WDR44: variants seen among roughly 807,000 people sequenced by gnomAD.
WDR44 encodes the protein WD repeat-containing protein 44.
WDR44 carries 9 observed loss-of-function variants against 65.7 expected under a neutral mutation model. The observed-to-expected ratio is 0.14, with a 90% CI of 0.08 to 0.24. The LOEUF (loss-of-function observed/expected upper bound fraction) is 0.24. Ranked by LOEUF, WDR44 falls within the 10% of genes least tolerant of loss-of-function variation. The pLI is 1.00. For missense variants in WDR44, 425 were observed against 670.9 expected (o/e 0.63, Z 4.05); for synonymous variants, 220 against 235.2 (o/e 0.94, Z 0.59).
intron 13 of WDR44, among the ~76,000 whole-genome samples, chrX:118,433,814 A>G (rs1414793156): frequency 8.9e-6 from 1 of 111,993 alleles, no homozygotes; most frequent in Non-Finnish European, 1.9e-5. Context: ...CATCATCATC[A>G]TCATCACTAT....
In WDR44 at chrX:118,396,967, C is replaced by T. The variant is rs1156721321; in HGVS notation, c.1054-3C>T. ...TGTGATTGTTTTTTTTTTTTAACCTCAGGAAATTTTAGCCAGTGTAATGAT... is the reference window on the plus strand; with the variant it reads ...TGTGATTGTTTTTTTTTTTTAACCTTAGGAAATTTTAGCCAGTGTAATGAT... On this transcript the variant is annotated splice_region_variant and splice_polypyrimidine_tract_variant and intron_variant, in intron 6 of 19. Transcript: ENST00000254029. 1.3e-5 allele frequency: 15 copies of T among 1,152,252 alleles called. No homozygotes were observed. Among genetic ancestry groups the T allele is most frequent in the Non-Finnish European group, 1.7e-5 (15 of 873,060 alleles). The allele number at this position is 1,152,252 out of a possible 1,213,427, so 95.0% of individuals were successfully genotyped here.
intron 3 of WDR44, among the ~76,000 whole-genome samples, chrX:118,389,718 CAA>C (rs1248530849): frequency 1.7e-4 from 6 of 34,527 alleles, no homozygotes; most frequent in Middle Eastern, 0.018. Flanking sequence ...GACTCCCTCT[CAA>C]AAAAAAAAAA....
chrX:118,381,226 T>C lies in WDR44; in HGVS notation c.111+2774T>C, dbSNP rs1221438692. ...GCTCACGCTTGTAATCCCAGCACTT[T>C]GGGAGGCTGAGACGGGCAGATCACC... On this transcript the variant is annotated intron_variant, in intron 2 of 19. Transcript: ENST00000254029. 9.9e-5 allele frequency among the ~76,000 whole-genome samples: 11 copies of C among 111,668 alleles called. No homozygotes were observed. In the Admixed American group the frequency reaches 1.1e-3, roughly 11 times the overall value.
chrX:118,375,121 C>T (rs896390342), intron 1 of WDR44, among the ~76,000 whole-genome samples: 1 of 111,220 alleles, frequency 9.0e-6, no homozygotes, highest in South Asian at 3.7e-4. Flanking sequence ...AATCAACAGC[C>T]AGAGAGTACT....
chrX:118,371,343 A>G (rs1266964763), intron 1 of WDR44, among the ~76,000 whole-genome samples: 1 of 111,323 alleles, frequency 9.0e-6, no homozygotes, highest in Non-Finnish European at 1.9e-5. Context: ...GTCAGAGGGT[A>G]CAAAGTTTTA....
At chrX:118,390,528 GGA>G (rs775962333) in intron 3 of WDR44, among the ~76,000 whole-genome samples, 51 of 111,533 alleles carry the variant, frequency 4.6e-4, no homozygotes, top group East Asian at 4.2e-3. Flanking sequence ...TGCAGAGGAG[GGA>G]GAGATTATTA....
At chrX:118,359,057 G>C (rs2056489363) in intron 1 of WDR44, among the ~76,000 whole-genome samples, 1 of 98,690 alleles carries the variant, frequency 1.0e-5, no homozygotes. Flanking sequence ...CTGGGCGACA[G>C]AGTGAGACTC....
chrX:118,395,493 G>T, intron 6 of WDR44, 149 bp downstream of exon 6: 1 of 387,434 alleles, frequency 2.6e-6, no homozygotes, highest in Non-Finnish European at 4.3e-6. Flanking sequence ...ACTTAAAAAT[G>T]GTTAAAATGG....
intron 1 of WDR44, among the ~76,000 whole-genome samples, chrX:118,375,750 G>A (rs1465371344): frequency 9.0e-6 from 1 of 111,204 alleles, no homozygotes; most frequent in African/African-American, 3.3e-5. Flanking sequence ...TTTCATTTCT[G>A]GAAATTGTCC....
chrX:118,349,879 A>G (rs1365101933), intron 1 of WDR44, among the ~76,000 whole-genome samples: 1 of 111,461 alleles, frequency 9.0e-6, no homozygotes, highest in Non-Finnish European at 1.9e-5. Flanking sequence ...CGGTTAAGTG[A>G]ATTTGTCCTA....
chrX:118,403,199 T>G (rs761773756), intron 8 of WDR44, among the ~76,000 whole-genome samples: 1 of 112,237 alleles, frequency 8.9e-6, no homozygotes, highest in African/African-American at 3.2e-5. Context: ...CCATTTAATA[T>G]TTTTGGACCA....
At chrX:118,397,245 A>G (rs2056873250) in intron 7 of WDR44, 139 bp downstream of exon 7, 2 of 488,060 alleles carry the variant, frequency 4.1e-6, no homozygotes, top group Middle Eastern at 6.6e-4. Context: ...TAGATAATGT[A>G]TGTATTCTTT....
At chrX:118,362,863 G>C (rs948914431) in intron 1 of WDR44, among the ~76,000 whole-genome samples, 8 of 105,524 alleles carry the variant, frequency 7.6e-5, no homozygotes, top group Non-Finnish European at 1.4e-4. Flanking sequence ...TGTATTCATT[G>C]TTTATCTGAA....
chrX:118,442,178 G>A (rs1341242734), intron 15 of WDR44, 66 bp from the exon 16 acceptor site: 4 of 988,775 alleles, frequency 4.0e-6, no homozygotes, highest in African/African-American at 3.8e-5. Context: ...AGTAGCTAGA[G>A]TTACAGATAC....
intron 1 of WDR44, among the ~76,000 whole-genome samples, chrX:118,368,483 T>TATATATATATATATATATATATATA (rs1569359132): frequency 1.1e-5 from 1 of 87,665 alleles, no homozygotes; most frequent in Admixed American, 1.4e-4. Flanking sequence ...ATATATATAC[T>TATATATATATATATATATATATATA]TCTTGAGGAC....
chrX:118,371,997 C>CTTTTTTTTTTTT (rs754818345), intron 1 of WDR44, among the ~76,000 whole-genome samples: 1 of 93,100 alleles, frequency 1.1e-5, no homozygotes, highest in Non-Finnish European at 2.2e-5. Flanking sequence ...TTTTTTATTT[C>CTTTTTTTTTTTT]TTTTTTTTTT....
chrX:118,349,251 C>CTT (rs765771323), intron 1 of WDR44, among the ~76,000 whole-genome samples: 58 of 100,366 alleles, frequency 5.8e-4, no homozygotes, highest in African/African-American at 1.8e-3. Flanking sequence ...TTTTTCTTTT[C>CTT]TTTTTTTTTT....
intron 15 of WDR44, 54 bp downstream of exon 15, chrX:118,441,613 A>G: frequency 9.4e-7 from 1 of 1,067,795 alleles, no homozygotes; most frequent in Non-Finnish European, 1.3e-6. Context: ...AAACACTTTC[A>G]TGGTTTTGGA....
intron 1 of WDR44, among the ~76,000 whole-genome samples, chrX:118,374,495 C>T (rs1009295491): frequency 1.8e-5 from 2 of 111,719 alleles, no homozygotes; most frequent in African/African-American, 6.5e-5. Flanking sequence ...CCTACCAAGG[C>T]CTTAACAACT....
Sources: allele counts gnomAD v4.1 joint callset (sites outside exome capture counted in the v4.1 genomes callset), GRCh38; gene constraint gnomAD v4.1.1; transcripts MANE v1.5; gene names NCBI Gene and HGNC (gene_info 2026-07-23, HGNC 2026-07-21).